HEMK2: variants seen among roughly 807,000 people sequenced by gnomAD.
The protein encoded by HEMK2 is methyltransferase HEMK2.
chr21:28,609,783 G>GCAATAGAATAGAA, the HEMK2 span, among the ~76,000 whole-genome samples: 6 of 152,060 alleles, frequency 3.9e-5, no homozygotes, highest in African/African-American at 1.4e-4. Flanking sequence ...GAAAGTCTCA[G>GCAATAGAATAGAA]CAATAGAATA....
chr21:28,609,522 C>G, the HEMK2 span, among the ~76,000 whole-genome samples: 1 of 146,992 alleles, frequency 6.8e-6, no homozygotes, highest in African/African-American at 2.5e-5. Flanking sequence ...CACACTAGCT[C>G]ACCAGCAATG....
chr21:28,582,976 A>G, the HEMK2 span, among the ~76,000 whole-genome samples: 1 of 152,216 alleles, frequency 6.6e-6, no homozygotes, highest in Non-Finnish European at 1.5e-5. Flanking sequence ...AGAGAATTTC[A>G]GAGACAATAG....
At chr21:28,850,010 A>G in the HEMK2 span, among the ~76,000 whole-genome samples, 3 of 152,194 alleles carry the variant, frequency 2.0e-5, no homozygotes, top group Non-Finnish European at 4.4e-5. Flanking sequence ...GGAAAGGCAC[A>G]GAACCCCTGT....
the HEMK2 span, among the ~76,000 whole-genome samples, chr21:28,631,117 T>C: frequency 2.0e-5 from 3 of 152,084 alleles, no homozygotes; most frequent in African/African-American, 7.2e-5. Flanking sequence ...ATTCCAAAAC[T>C]GACATAGGGA....
At chr21:28,642,934 G>A in the HEMK2 span, among the ~76,000 whole-genome samples, 1 of 152,174 alleles carries the variant, frequency 6.6e-6, no homozygotes, top group East Asian at 1.9e-4. Context: ...CAACATTTGG[G>A]TGGAAAAACC....
chr21:28,798,175 C>G, the HEMK2 span, among the ~76,000 whole-genome samples: 12 of 152,194 alleles, frequency 7.9e-5, no homozygotes. Context: ...GGAGTATAGA[C>G]AGGTTCCGAG....
chr21:28,598,095 T>G, the HEMK2 span, among the ~76,000 whole-genome samples: 1 of 152,126 alleles, frequency 6.6e-6, no homozygotes, highest in Admixed American at 6.6e-5. Flanking sequence ...AACTCACAGG[T>G]GTGCACAAAA....
chr21:28,690,987 CAG>C, the HEMK2 span, among the ~76,000 whole-genome samples: 1 of 152,294 alleles, frequency 6.6e-6, no homozygotes, highest in East Asian at 1.9e-4. Context: ...CAGCTAGATA[CAG>C]AGTCTTGATC....
chr21:28,759,765 C>T, the HEMK2 span, among the ~76,000 whole-genome samples: 26 of 152,264 alleles, frequency 1.7e-4, no homozygotes, highest in Non-Finnish European at 3.1e-4. Context: ...TTTTACTTGG[C>T]TTTCATTCTC....
chr21:28,677,278 A>T, the HEMK2 span, among the ~76,000 whole-genome samples: 1 of 151,956 alleles, frequency 6.6e-6, no homozygotes, highest in Non-Finnish European at 1.5e-5. Flanking sequence ...AGGGTCCTAC[A>T]CCCACGGAGC....
chr21:28,629,345 T>C, the HEMK2 span, among the ~76,000 whole-genome samples: 2 of 152,174 alleles, frequency 1.3e-5, no homozygotes, highest in South Asian at 2.1e-4. Context: ...TCTCCAGTTA[T>C]AAATAAGTGG....
the HEMK2 span, among the ~76,000 whole-genome samples, chr21:28,756,260 T>C: frequency 2.0e-5 from 3 of 152,208 alleles, no homozygotes; most frequent in Non-Finnish European, 4.4e-5. Context: ...GCACCACTGA[T>C]GGCTAAACCA....
At chr21:28,619,548 A>C in the HEMK2 span, among the ~76,000 whole-genome samples, 1 of 152,244 alleles carries the variant, frequency 6.6e-6, no homozygotes, top group Admixed American at 6.5e-5. Flanking sequence ...AGATACTAAA[A>C]TAAACTGGTA....
the HEMK2 span, among the ~76,000 whole-genome samples, chr21:28,877,405 A>AGAAG: frequency 6.8e-6 from 1 of 148,054 alleles, no homozygotes; most frequent in Non-Finnish European, 1.5e-5. Flanking sequence ...AGGGAAGAAA[A>AGAAG]AAAAGAAGGA....
At chr21:28,737,607 GAAGAA>G in the HEMK2 span, among the ~76,000 whole-genome samples, 1 of 151,690 alleles carries the variant, frequency 6.6e-6, no homozygotes, top group Non-Finnish European at 1.5e-5. Context: ...AAAAAAAGAA[GAAGAA>G]AAGATGAGCT....
chr21:28,635,261 C>A, the HEMK2 span, among the ~76,000 whole-genome samples: 2 of 152,044 alleles, frequency 1.3e-5, no homozygotes, highest in Non-Finnish European at 2.9e-5. Context: ...TGCCACCACA[C>A]CCAGCTAATT....
chr21:28,589,662 T>C, the HEMK2 span, among the ~76,000 whole-genome samples: 41 of 152,260 alleles, frequency 2.7e-4, no homozygotes, highest in Non-Finnish European at 5.1e-4. Flanking sequence ...ACTAGAATGA[T>C]CCATGTGGTA....
chr21:28,875,129 G>A, the HEMK2 span: 1 of 152,286 alleles, frequency 6.6e-6, no homozygotes, highest in Non-Finnish European at 1.5e-5. Context: ...AGCAGAAGTG[G>A]GGACTACGGA....
the HEMK2 span, among the ~76,000 whole-genome samples, chr21:28,831,518 AGAAAGAAGGAAAGAAGGAAAGAAG>A: frequency 2.6e-5 from 2 of 76,720 alleles, no homozygotes; most frequent in African/African-American, 1.6e-4. Context: ...AAAGAAAGAA[AGAAAGAAGGAAAGAAGGAAAGAAG>A]GAAAGAAGGA....
Sources: allele counts gnomAD v4.1 joint callset (sites outside exome capture counted in the v4.1 genomes callset), GRCh38; gene constraint gnomAD v4.1.1; transcripts MANE v1.5; gene names NCBI Gene and HGNC (gene_info 2026-07-23, HGNC 2026-07-21).